Variants in MYL1 observed in about 807,000 individuals in gnomAD.
MYL1 encodes myosin light chain 1, also known as myosin light chain 1/3, skeletal muscle isoform.
A neutral mutation model predicts 21.8 loss-of-function variants in MYL1; 16 were observed. The ratio of observed to expected loss-of-function variants is 0.74; its 90% CI spans 0.50 to 1.12. The LOEUF is 1.12. MYL1 is among the 50% of genes most tolerant of loss of function. MYL1 has a pLI of 0.00. For synonymous variants in MYL1, 99 were observed against 85.2 expected, an observed-to-expected ratio of 1.16 and a Z score of -0.89; for missense variants, 246 against 241.0, an observed-to-expected ratio of 1.02 and a Z score of -0.14.
rs200875603 is a variant in MYL1, at chr2:210,314,978, G to A, written c.65C>T (p.Pro22Leu). 355 of 1,612,414 alleles carry A rather than the reference G, an allele frequency of 2.2e-4. No homozygotes were observed. Among genetic ancestry groups the A allele is most frequent in the Non-Finnish European group, 2.7e-4 (318 of 1,179,236 alleles). The stretch of plus-strand genomic sequence containing the variant: ...TGGGGCAGGGGCAGGTGCAGGTGCC[G>A]GTGCCGGGGCTGGGGCAGCCGCAGC... ...AAAAAAPAPA[P>L]APAPAPAPAK... Residue 22 changes from proline (P) to leucine (L), a missense_variant, in exon 1 of 7, where the codon CCG (proline) becomes CTG (leucine). Transcript: ENST00000352451.
chr2:210,294,219 A>G (rs1437359692), intron 4 of MYL1, 26 bp downstream of exon 4: 1 of 1,587,850 alleles, frequency 6.3e-7, no homozygotes, highest in East Asian at 2.3e-5. Context: ...CTGTCTCACT[A>G]AGTCCACTGA....
intron 1 of MYL1, chr2:210,303,542 C>T (rs771902691): frequency 6.2e-7 from 1 of 1,610,882 alleles, no homozygotes; most frequent in Admixed American, 1.7e-5. Flanking sequence ...TAGGACCCAC[C>T]ATGATGGAGC....
At chr2:210,302,352 G>T in intron 2 of MYL1, 136 bp downstream of exon 2, 1 of 700,268 alleles carries the variant, frequency 1.4e-6, no homozygotes. Context: ...TAGAGTGATC[G>T]AGAGCAATTT....
At chr2:210,303,063 G>A (rs1271422419) in intron 1 of MYL1, 2 of 476,562 alleles carry the variant, frequency 4.2e-6, no homozygotes, top group South Asian at 3.2e-5. Flanking sequence ...TTTAAGATAT[G>A]TCTAATAAGA....
intron 1 of MYL1, 42 bp from the exon 2 acceptor site, chr2:210,302,557 C>T (rs776966675): frequency 3.6e-5 from 57 of 1,589,922 alleles, no homozygotes; most frequent in Non-Finnish European, 7.7e-6. Flanking sequence ...TTTAACCAAA[C>T]AAAAATGTGC....
At chr2:210,302,689 T>A in intron 1 of MYL1, 174 bp from the exon 2 acceptor site, 1 of 1,534,218 alleles carries the variant, frequency 6.5e-7, no homozygotes, top group Non-Finnish European at 8.8e-7. Flanking sequence ...TAGTGTAACA[T>A]GCCTTGAAGA....
chr2:210,299,627 T>C (rs1204294712), intron 2 of MYL1, among the ~76,000 whole-genome samples: 1 of 152,178 alleles, frequency 6.6e-6, no homozygotes, highest in Non-Finnish European at 1.5e-5. Context: ...AGAACTGGTT[T>C]GACTTTCAAA....
At chr2:210,301,420 T>C in intron 2 of MYL1, among the ~76,000 whole-genome samples, 1 of 152,080 alleles carries the variant, frequency 6.6e-6, no homozygotes, top group East Asian at 1.9e-4. Flanking sequence ...GATGCAGAAA[T>C]AGACTTGAAG....
At chr2:210,299,516 C>A (rs1331262115) in intron 2 of MYL1, among the ~76,000 whole-genome samples, 1 of 152,152 alleles carries the variant, frequency 6.6e-6, no homozygotes, top group Non-Finnish European at 1.5e-5. Context: ...TATACACAGC[C>A]ATTCCCATTC....
At chr2:210,293,599 G>T in intron 5 of MYL1, 124 bp downstream of exon 5, 1 of 734,720 alleles carries the variant, frequency 1.4e-6, no homozygotes, top group Non-Finnish European at 2.3e-6. Flanking sequence ...TCTTTTTAGA[G>T]TTATGCAATT....
At chr2:210,292,647 A>T (rs1411717592) in intron 5 of MYL1, among the ~76,000 whole-genome samples, 1 of 152,110 alleles carries the variant, frequency 6.6e-6, no homozygotes, top group Non-Finnish European at 1.5e-5. Context: ...AAATTTGTCA[A>T]GATTTTCAAT....
At chr2:210,300,748 A>T (rs116210537) in intron 2 of MYL1, among the ~76,000 whole-genome samples, 2,631 of 152,180 alleles carry the variant, frequency 0.017, 60 homozygotes, top group African/African-American at 0.054. Flanking sequence ...ACATGTGGCT[A>T]GTGTCTACTG....
intron 1 of MYL1, among the ~76,000 whole-genome samples, chr2:210,311,584 C>T (rs1293609857): frequency 2.0e-5 from 3 of 152,030 alleles, no homozygotes; most frequent in Non-Finnish European, 2.9e-5. Flanking sequence ...ACAATCCTAT[C>T]ACCTCACAGC....
chr2:210,310,974 T>C (rs991447073), intron 1 of MYL1, among the ~76,000 whole-genome samples: 1 of 152,086 alleles, frequency 6.6e-6, no homozygotes, highest in Non-Finnish European at 1.5e-5. Flanking sequence ...ACTACTTATT[T>C]GATCATATGT....
In MYL1 at chr2:210,302,879, G is replaced by C. The variant is rs189271619; in HGVS notation, c.133-364C>G. ...GAAGAATGAGTGCTGGTTGCTCTGA[G>C]ATTTTTAGGAAGCTATGTAGGTGTC... On this transcript the variant is annotated intron_variant, in intron 1 of 6. Coordinates refer to ENST00000352451, the MANE Select transcript of MYL1 (RefSeq NM_079420.3). 506 of 1,420,596 alleles carry C rather than the reference G, an allele frequency of 3.6e-4. No homozygotes were observed. In the African/African-American group the frequency reaches 6.0e-3, roughly 17 times the overall value. 88.0% of individuals were successfully genotyped at this position (1,420,596 alleles called of 1,614,324 possible).
intron 5 of MYL1, among the ~76,000 whole-genome samples, chr2:210,293,499 G>A (rs1228412684): frequency 6.6e-6 from 1 of 152,142 alleles, no homozygotes; most frequent in African/African-American, 2.4e-5. Flanking sequence ...AAAAATATAT[G>A]TGAAAACACA....
chr2:210,302,543 A>G (rs1343639074), intron 1 of MYL1, 28 bp from the exon 2 acceptor site: 51 of 1,604,812 alleles, frequency 3.2e-5, no homozygotes, highest in Middle Eastern at 1.7e-4. Context: ...ACCACAAAGA[A>G]TGTTTTAACC....
chr2:210,292,953 G>T (rs1690102382), intron 5 of MYL1, among the ~76,000 whole-genome samples: 1 of 152,256 alleles, frequency 6.6e-6, no homozygotes, highest in South Asian at 2.1e-4. Flanking sequence ...TGTCAGTGAA[G>T]ATATGCTTGG....
chr2:210,295,497 A>G (rs186031838), intron 3 of MYL1, among the ~76,000 whole-genome samples: 159 of 152,048 alleles, frequency 1.0e-3, no homozygotes, highest in African/African-American at 3.6e-3. Flanking sequence ...AAACCAAAAA[A>G]GGCCAGGCAT....
Sources: gnomAD v4.1 joint callset for allele counts (sites outside exome capture counted in the v4.1 genomes callset) on GRCh38, gnomAD v4.1.1 for gene constraint, MANE v1.5 for transcripts, NCBI Gene and HGNC (gene_info 2026-07-23, HGNC 2026-07-21) for gene names.